Variants in FANCM observed in about 807,000 individuals in gnomAD.
FANCM encodes the protein Fanconi anemia group M protein.
FANCM carries 140 observed loss-of-function variants against 199.5 expected under a neutral mutation model. The ratio of observed to expected loss-of-function variants is 0.70; its 90% CI spans 0.61 to 0.81. The LOEUF is 0.81. Among genes scored for constraint, FANCM ranks in the 30% least tolerant of loss-of-function variants. The pLI, the probability that FANCM is intolerant of heterozygous loss-of-function variation, is 0.00. For missense variants in FANCM, 2,410 were observed against 2,421.4 expected (o/e 1.00, Z 0.10); for synonymous variants, 840 against 836.8 (o/e 1.00, Z -0.07).
At chr14:45,146,786 TC>T (rs1425227018) in intron 3 of FANCM, among the ~76,000 whole-genome samples, 5 of 133,542 alleles carry the variant, frequency 3.7e-5, no homozygotes, top group African/African-American at 1.4e-4. Flanking sequence ...TGAGCCGAGA[TC>T]GCGCCACTGC....
intron 16 of FANCM, 35 bp downstream of exon 16, chr14:45,181,740 ATTCC>A: frequency 7.4e-7 from 1 of 1,353,692 alleles, no homozygotes; most frequent in Non-Finnish European, 1.1e-6. Flanking sequence ...AGTAATCCAA[ATTCC>A]TTTGGAATAA....
At chr14:45,188,506 T>C (rs1203879306) in intron 19 of FANCM, among the ~76,000 whole-genome samples, 3 of 152,218 alleles carry the variant, frequency 2.0e-5, no homozygotes, top group African/African-American at 7.2e-5. Context: ...ATGTGTACTC[T>C]CTGTACTTCC....
At chr14:45,199,814 A>G in intron 22 of FANCM, 56 bp from the exon 23 acceptor site, 1 of 1,538,830 alleles carries the variant, frequency 6.5e-7, no homozygotes, top group Non-Finnish European at 9.0e-7. Flanking sequence ...GGTAATATTA[A>G]ATTTTATAAA....
At chr14:45,153,262 G>T (rs1330509915) in intron 5 of FANCM, among the ~76,000 whole-genome samples, 1 of 152,128 alleles carries the variant, frequency 6.6e-6, no homozygotes, top group Non-Finnish European at 1.5e-5. Flanking sequence ...CTAAATAGTG[G>T]TTCTGCTACT....
chr14:45,196,233 A>T lies in FANCM; in HGVS notation c.5402A>T (p.His1801Leu). Residue 1801 changes from histidine (H) to leucine (L), a missense_variant, in exon 21 of 23, where the codon CAT becomes CTT. Transcript: ENST00000267430. ...SGASCSKSRP[H>L]LAGTHTSLRL... The stretch of plus-strand genomic sequence containing the variant: ...GCATCCTGTTCCAAGTCAAGACCAC[A>T]TTTAGCTGGGACACATACTTCTCTT... 6.2e-7 allele frequency: 1 copy of T among 1,614,060 alleles called. No homozygotes were observed. The highest frequency in any genetic ancestry group is 8.5e-7 in the Non-Finnish European group (1 of 1,179,926).
Position 45,189,967 on chromosome 14 carries a change from C to CA in FANCM, c.5340+622dup, listed in dbSNP as rs1159340500. On this transcript the variant is annotated intron_variant, in intron 20 of 22. Coordinates refer to ENST00000267430, the MANE Select transcript of FANCM (RefSeq NM_020937.4). ...TGGGTGACAGAGCAAGACTCCATCT[C>CA]AAAAAAAAAAAAAAAAAGAACTAGA... is the stretch of plus-strand genomic sequence containing the variant. Among the ~76,000 whole-genome samples, 845 of 87,668 alleles carry CA rather than the reference C, an allele frequency of 9.6e-3. 9 individuals carry two copies. Among genetic ancestry groups the CA allele is most frequent in the Middle Eastern group, 0.027 (4 of 150 alleles). 57.5% of individuals were successfully genotyped at this position (87,668 alleles called of 152,430 possible). A position where few individuals can be genotyped will look rare whatever the true frequency, so the allele number is the denominator to read the frequency against.
At chr14:45,160,152 C>G (rs1198463666) in intron 9 of FANCM, among the ~76,000 whole-genome samples, 4 of 150,394 alleles carry the variant, frequency 2.7e-5, no homozygotes, top group African/African-American at 4.9e-5. Context: ...GGCACCCACG[C>G]CTGGCTAATT....
chr14:45,165,541 C>T (rs1454947415), intron 10 of FANCM, among the ~76,000 whole-genome samples: 1 of 152,050 alleles, frequency 6.6e-6, no homozygotes, highest in South Asian at 2.1e-4. Flanking sequence ...GAGCGAGACT[C>T]CATCTCCAGA....
At chr14:45,141,199 A>C (rs1284840142) in intron 3 of FANCM, among the ~76,000 whole-genome samples, 1 of 150,872 alleles carries the variant, frequency 6.6e-6, no homozygotes, top group Admixed American at 6.6e-5. Flanking sequence ...GAGGCAGGAG[A>C]ATGGCGTGAA....
intron 2 of FANCM, 46 bp from the exon 3 acceptor site, chr14:45,140,586 T>G (rs1235114789): frequency 9.9e-7 from 1 of 1,005,640 alleles, no homozygotes; most frequent in South Asian, 1.3e-5. Flanking sequence ...ACCACTGTTA[T>G]TTTTGCATTG....
intron 12 of FANCM, among the ~76,000 whole-genome samples, chr14:45,171,875 A>G (rs1414501647): frequency 6.6e-6 from 1 of 152,152 alleles, no homozygotes; most frequent in East Asian, 1.9e-4. Flanking sequence ...TTAGATACCC[A>G]GTAGTGGGAC....
Position 45,175,738 on chromosome 14 carries a change from C to G in FANCM, c.2984C>G (p.Ser995Cys), listed in dbSNP as rs776080626. 2 of 1,613,720 alleles carry G rather than the reference C, an allele frequency of 1.2e-6. No individual in the cohort carries two copies. Among genetic ancestry groups the G allele is most frequent in the Non-Finnish European group, 1.7e-6 (2 of 1,179,852 alleles). Reference protein sequence around the residue: ...EVLANVERFLSYSPPPLSGLS... With the variant: ...EVLANVERFLCYSPPPLSGLS... The stretch of plus-strand genomic sequence containing the variant: ...CTAGCTAATGTAGAGAGATTTTTAT[C>G]TTATTCTCCTCCGCCTCTCAGTGGA... Residue 995 changes from serine to cysteine, a missense_variant, in exon 14 of 23, where the codon TCT becomes TGT. Ser to Cys is a moderately radical substitution (Grantham distance 112). Transcript: ENST00000267430.
intron 10 of FANCM, 58 bp downstream of exon 10, chr14:45,164,623 A>G (rs1371101601): frequency 1.6e-6 from 2 of 1,280,118 alleles, no homozygotes; most frequent in Admixed American, 3.9e-5. Context: ...TACAGCCCAA[A>G]GGTGAATATC....
intron 16 of FANCM, among the ~76,000 whole-genome samples, chr14:45,182,148 G>A (rs566658132): frequency 1.3e-5 from 2 of 152,272 alleles, no homozygotes; most frequent in South Asian, 2.1e-4. Context: ...CCTTAACCTC[G>A]ATCTCGGGAG....
rs776417170 is a variant in FANCM, at chr14:45,189,312, A to G, written c.5290A>G (p.Thr1764Ala). 5 of 1,613,978 alleles carry G rather than the reference A, an allele frequency of 3.1e-6. No homozygotes were observed. In the South Asian group the frequency reaches 4.4e-5, roughly 14 times the overall value. ...AGTCCAGTCTACCACACCACCCTTC[A>G]CTACTGTTGATTCACAGAAAGACTG... is the stretch of plus-strand genomic sequence containing the variant. Reference protein sequence around the residue: ...NEVQSTTPPFTTVDSQKDCRK... With the variant: ...NEVQSTTPPFATVDSQKDCRK... Residue 1764 changes from threonine (T) to alanine (A), a missense_variant, in exon 20 of 23, where the codon ACT becomes GCT. Coordinates refer to ENST00000267430, the MANE Select transcript of FANCM (RefSeq NM_020937.4).
In FANCM at chr14:45,148,875, G is replaced by T; in HGVS notation, c.798G>T (p.Gln266His). 6.2e-7 allele frequency: 1 copy of T among 1,611,602 alleles called. No individual in the cohort carries two copies. Among genetic ancestry groups the T allele is most frequent in the South Asian group, 1.1e-5 (1 of 91,022 alleles). The change falls in exon 4 of 23, where the codon CAG (glutamine) becomes CAT (histidine). Residue 266 changes from glutamine (Q) to histidine (H), a missense_variant. Physicochemically the swap from Gln to His is conservative, Grantham distance 24. Transcript: ENST00000267430. ...TTATTACTAACCTGCTAATTGGGCA[G>T]ATAGAGCTTCGTTCTGAAGATTCTC... ...QQVITNLLIG[Q>H]IELRSEDSPD... is the part of the protein sequence containing the mutation.
chr14:45,156,858 C>G (rs771250362), intron 8 of FANCM, among the ~76,000 whole-genome samples: 1 of 131,774 alleles, frequency 7.6e-6, no homozygotes, highest in South Asian at 2.4e-4. Flanking sequence ...ACGGAGGTTG[C>G]GGTAAGCCAA....
At position 45,147,308 on chromosome 14, in the gene FANCM, C is replaced by T. The variant is rs577851079; in HGVS notation, c.760-1529C>T. On this transcript the variant is annotated intron_variant, in intron 3 of 22. Coordinates refer to ENST00000267430, the MANE Select transcript of FANCM (RefSeq NM_020937.4). The stretch of plus-strand genomic sequence containing the variant: ...AGCTTTCTTTTTTTCTTTTCTTTTT[C>T]TTTCTTTCTTTTTTTTTTGGAGACA... 1.4e-3 allele frequency among the ~76,000 whole-genome samples: 204 copies of T among 145,180 alleles called. 2 individuals carry two copies. Among genetic ancestry groups the T allele is most frequent in the Admixed American group, 4.3e-3 (62 of 14,502 alleles).
chr14:45,138,576 T>C (rs1282093964), intron 2 of FANCM, among the ~76,000 whole-genome samples: 3 of 152,174 alleles, frequency 2.0e-5, no homozygotes, highest in African/African-American at 7.2e-5. Flanking sequence ...GAGATCAGCT[T>C]GGGCAACATA....
Sources: gnomAD v4.1 joint callset for allele counts (sites outside exome capture counted in the v4.1 genomes callset) on GRCh38, gnomAD v4.1.1 for gene constraint, MANE v1.5 for transcripts, NCBI Gene and HGNC (gene_info 2026-07-23, HGNC 2026-07-21) for gene names.